Variants in IQGAP2 observed in about 807,000 individuals in gnomAD.
IQGAP2 encodes the protein IQ motif containing GTPase activating protein 2.
IQGAP2 carries 173 observed loss-of-function variants against 201.3 expected under a neutral mutation model. The ratio of observed to expected loss-of-function variants is 0.86; its 90% CI spans 0.76 to 0.98. The LOEUF (loss-of-function observed/expected upper bound fraction) is 0.98, where lower values mean the gene tolerates loss of function less well. IQGAP2 is among the 50% of genes least tolerant of loss of function. The pLI is 0.00. For synonymous variants in IQGAP2, 675 were observed against 673.9 expected, an observed-to-expected ratio of 1.00 and a Z score of -0.03; for missense variants, 1,687 against 1,864.8, an observed-to-expected ratio of 0.90 and a Z score of 1.76.
At position 76,619,513 on chromosome 5, in the gene IQGAP2, T is replaced by TC. The variant is rs200461267; in HGVS notation, c.1522-7896dup. On this transcript the variant is annotated intron_variant, in intron 13 of 35. Transcript: ENST00000274364. ...GCAGATCTAACTTAGTTAAGGATCT[T>TC]CTTTTTTTTTTTTTTTTTTTTTTGA... is the stretch of plus-strand genomic sequence containing the variant. 5.8e-3 allele frequency among the ~76,000 whole-genome samples: 753 copies of TC among 130,494 alleles called. 22 individuals are homozygous for TC. The highest frequency in any genetic ancestry group is 8.4e-3 in the South Asian group (33 of 3,926). The allele number at this position is 130,494 out of a possible 152,430, so 85.6% of individuals were successfully genotyped here.
chr5:76,677,905 G>A (rs769328846), intron 28 of IQGAP2, among the ~76,000 whole-genome samples: 4 of 151,914 alleles, frequency 2.6e-5, no homozygotes, highest in Non-Finnish European at 4.4e-5. Context: ...CACTCCAGCC[G>A]GGGCAACAGA....
intron 2 of IQGAP2, among the ~76,000 whole-genome samples, chr5:76,511,129 T>C (rs1757933912): frequency 6.6e-6 from 1 of 152,256 alleles, no homozygotes; most frequent in South Asian, 2.1e-4. Context: ...ATGGACTACA[T>C]TCTGCCATAA....
chr5:76,507,657 G>A (rs574786247), intron 2 of IQGAP2, among the ~76,000 whole-genome samples: 4 of 152,168 alleles, frequency 2.6e-5, no homozygotes, highest in Non-Finnish European at 5.9e-5. Flanking sequence ...ATAAAAGACT[G>A]TTTTTCAAAA....
chr5:76,540,260 T>C (rs1742674128), intron 2 of IQGAP2, among the ~76,000 whole-genome samples: 1 of 152,202 alleles, frequency 6.6e-6, no homozygotes. Flanking sequence ...TAGGTTCAGG[T>C]AATCTATTTC....
chr5:76,418,076 G>A (rs1345410572), intron 1 of IQGAP2, among the ~76,000 whole-genome samples: 2 of 151,386 alleles, frequency 1.3e-5, no homozygotes, highest in Non-Finnish European at 1.5e-5. Flanking sequence ...GCATGGTGGC[G>A]GGCACCTGTA....
chr5:76,595,064 A>G (rs1479225592), intron 9 of IQGAP2, among the ~76,000 whole-genome samples: 1 of 152,126 alleles, frequency 6.6e-6, no homozygotes, highest in African/African-American at 2.4e-5. Flanking sequence ...ATCCACATTC[A>G]TAGCAACCAT....
At chr5:76,429,187 C>T (rs1393456250) in intron 1 of IQGAP2, among the ~76,000 whole-genome samples, 1 of 151,858 alleles carries the variant, frequency 6.6e-6, no homozygotes, top group Non-Finnish European at 1.5e-5. Flanking sequence ...CTTATAGATA[C>T]TTTTTGACCT....
intron 2 of IQGAP2, among the ~76,000 whole-genome samples, chr5:76,501,554 C>T (rs1253517254): frequency 6.6e-6 from 1 of 151,976 alleles, no homozygotes; most frequent in Non-Finnish European, 1.5e-5. Context: ...TTAATTCCCC[C>T]ACCTTCCTCC....
At position 76,674,376 on chromosome 5, in the gene IQGAP2, T is replaced by A. The variant is rs1288422099; in HGVS notation, c.3295-101T>A. 7.4e-6 allele frequency: 5 copies of A among 673,164 alleles called. No homozygotes were observed. In the South Asian group the frequency reaches 1.0e-4, roughly 14 times the overall value. 41.7% of individuals were successfully genotyped at this position (673,164 alleles called of 1,614,324 possible). On this transcript the variant is annotated intron_variant, in intron 26 of 35. Coordinates refer to ENST00000274364, the MANE Select transcript of IQGAP2 (RefSeq NM_006633.5). ...CATCAGAAAATGATCTGCTTTCTCT[T>A]GGGAAATGTAGGAGAATATATATCT...
At chr5:76,491,359 T>C (rs189894092) in intron 2 of IQGAP2, among the ~76,000 whole-genome samples, 1 of 152,332 alleles carries the variant, frequency 6.6e-6, no homozygotes, top group Non-Finnish European at 1.5e-5. Flanking sequence ...GAAAATATAC[T>C]GATTTAATAG....
At chr5:76,488,439 T>C (rs1390668371) in intron 2 of IQGAP2, among the ~76,000 whole-genome samples, 1 of 152,212 alleles carries the variant, frequency 6.6e-6, no homozygotes, top group Admixed American at 6.5e-5. Flanking sequence ...TCTTTTAAGA[T>C]TGACCTAGGG....
intron 5 of IQGAP2, among the ~76,000 whole-genome samples, chr5:76,582,360 A>G (rs766508585): frequency 3.9e-4 from 60 of 152,200 alleles, no homozygotes; most frequent in Non-Finnish European, 6.9e-4. Context: ...GGGCCTTGGG[A>G]AGTTATTGTA....
At chr5:76,562,701 A>G in intron 3 of IQGAP2, 149 bp downstream of exon 3, 1 of 664,864 alleles carries the variant, frequency 1.5e-6, no homozygotes, top group Non-Finnish European at 2.5e-6. Flanking sequence ...TTCCTGAGGC[A>G]GCAGCAGTTT....
At chr5:76,610,708 G>A (rs567477946) in intron 12 of IQGAP2, among the ~76,000 whole-genome samples, 69 of 152,060 alleles carry the variant, frequency 4.5e-4, no homozygotes, top group African/African-American at 1.6e-3. Context: ...TCATTTATTT[G>A]TCTTTAAGTT....
chr5:76,641,159 T>C (rs1054961523), intron 17 of IQGAP2, 56 bp downstream of exon 17: 80 of 1,362,358 alleles, frequency 5.9e-5, no homozygotes, highest in Non-Finnish European at 7.6e-5. Context: ...CTGAAAATGT[T>C]TTATTTGATA....
chr5:76,627,552 T>C (rs774905753), intron 14 of IQGAP2, 52 bp downstream of exon 14: 2 of 985,832 alleles, frequency 2.0e-6, no homozygotes, highest in Admixed American at 1.8e-5. Flanking sequence ...GATTTGGTTA[T>C]GTGCCTGAAG....
intron 1 of IQGAP2, among the ~76,000 whole-genome samples, chr5:76,455,320 G>T (rs1018052686): frequency 1.3e-5 from 2 of 151,894 alleles, no homozygotes; most frequent in African/African-American, 4.8e-5. Context: ...TGGCATGGTG[G>T]CGCATGCCTG....
In IQGAP2 at chr5:76,424,666, CA is replaced by C. The variant is rs1164297522; in HGVS notation, c.46+21076del. Among the ~76,000 whole-genome samples the C allele has an allele frequency of 4.6e-5, 7 of 152,202 alleles. No individual in the cohort carries two copies. The East Asian group carries it at 1.3e-3, about 29-fold the overall frequency. On this transcript the variant is annotated intron_variant, in intron 1 of 35. Coordinates refer to ENST00000274364, the MANE Select transcript of IQGAP2 (RefSeq NM_006633.5). ...AAACATGAGATATAATTAAAGTGTTCATTGGACAAGTGAGTGGTTGGACTCC... is the reference window on the plus strand; with the variant it reads ...AAACATGAGATATAATTAAAGTGTTCTTGGACAAGTGAGTGGTTGGACTCC...
intron 1 of IQGAP2, among the ~76,000 whole-genome samples, chr5:76,449,136 C>G (rs1056042451): frequency 5.9e-5 from 9 of 152,192 alleles, no homozygotes; most frequent in African/African-American, 1.9e-4. Flanking sequence ...GTCCATAAAA[C>G]AGAGACTTTG....
Sources: allele counts gnomAD v4.1 joint callset (sites outside exome capture counted in the v4.1 genomes callset), GRCh38; gene constraint gnomAD v4.1.1; transcripts MANE v1.5; gene names NCBI Gene and HGNC (gene_info 2026-07-23, HGNC 2026-07-21).